Variants in SLC45A2 observed in about 807,000 individuals in gnomAD.
The protein encoded by SLC45A2 is solute carrier family 45 member 2.
Under a neutral mutation model 45.5 loss-of-function variants are expected in SLC45A2, and 36 were observed. The observed-to-expected ratio is 0.79, with a 90% confidence interval of 0.61 to 1.04. The LOEUF is 1.04. Among genes scored for constraint, SLC45A2 ranks in the 50% least tolerant of loss-of-function variants. SLC45A2 has a pLI of 0.00. For missense variants in SLC45A2, 719 were observed against 671.0 expected, an observed-to-expected ratio of 1.07 and a Z score of -0.79; for synonymous variants, 306 against 269.3, an observed-to-expected ratio of 1.14 and a Z score of -1.33.
At position 33,953,266 on chromosome 5, in the gene SLC45A2, C is replaced by T. The variant is rs1286330091; in HGVS notation, c.1032+1095G>A. Among the ~76,000 whole-genome samples the T allele has an allele frequency of 6.2e-4, 66 of 106,254 alleles. 2 individuals are homozygous for T. In the East Asian group the frequency reaches 0.015, roughly 23 times the overall value. 69.7% of individuals were successfully genotyped at this position (106,254 alleles called of 152,430 possible). On this transcript the variant is annotated intron_variant, in intron 4 of 6. Transcript: ENST00000296589. ...CTAGTTCTAGATCCCTGAGGAATCA[C>T]CACACTGACTTCCACAATGGTTGAA...
intron 6 of SLC45A2, chr5:33,946,762 C>A (rs1414571212): frequency 2.7e-6 from 3 of 1,119,888 alleles, no homozygotes; most frequent in East Asian, 1.3e-4. Context: ...ATAGGGAGAC[C>A]CTTATTGTCG....
At position 33,968,296 on chromosome 5, in the gene SLC45A2, A is replaced by G. The variant is rs568716241; in HGVS notation, c.563-4280T>C. On this transcript the variant is annotated intron_variant, in intron 2 of 6. Coordinates refer to ENST00000296589, the MANE Select transcript of SLC45A2 (RefSeq NM_016180.5). ...CGCTATGATAAAGGCTGATAGTTTT[A>G]CCATTTTACCACCTCCCACACCTAC... Among the ~76,000 whole-genome samples, 82 of 152,292 alleles carry G rather than the reference A, an allele frequency of 5.4e-4. 1 individual carries two copies. Among genetic ancestry groups the G allele is most frequent in the African/African-American group, 1.9e-3 (80 of 41,568 alleles).
chr5:33,946,008 T>C, intron 6 of SLC45A2: 1 of 985,480 alleles, frequency 1.0e-6, no homozygotes, highest in Non-Finnish European at 1.2e-6. Flanking sequence ...ATTGTGAATA[T>C]ATTATCTCAC....
chr5:33,977,701 A>C (rs1752969283), intron 2 of SLC45A2, among the ~76,000 whole-genome samples: 1 of 152,202 alleles, frequency 6.6e-6, no homozygotes, highest in African/African-American at 2.4e-5. Flanking sequence ...TAGAGGAGTG[A>C]GGGATGCAGG....
Position 33,963,828 on chromosome 5 carries a change from G to C in SLC45A2, c.751C>G (p.Pro251Ala). Residue 251 changes from proline to alanine, a missense_variant, in exon 3 of 7, where the codon CCA becomes GCA. Coordinates refer to ENST00000296589, the MANE Select transcript of SLC45A2 (RefSeq NM_016180.5). ...GGAGGGTCCTGAGGGGTTTGCTGTGGGGGAATGCCCTTTGCAACCTCTGTA... is the reference window on the plus strand; with the variant it reads ...GGAGGGTCCTGAGGGGTTTGCTGTGCGGGAATGCCCTTTGCAACCTCTGTA... Reference protein sequence around the residue: ...PLTEVAKGIPPQQTPQDPPLS... With the variant: ...PLTEVAKGIPAQQTPQDPPLS... The C allele has an allele frequency of 1.2e-6, 2 of 1,614,126 alleles. No homozygotes were observed. The highest frequency in any genetic ancestry group is 1.7e-5 in the Admixed American group (1 of 60,026).
chr5:33,944,738 G>A lies in SLC45A2; in HGVS notation c.1503C>T (p.Ala501=), dbSNP rs759542581. The A allele has an allele frequency of 8.4e-5, 136 of 1,614,056 alleles. No homozygotes were observed. The highest frequency in any genetic ancestry group is 3.4e-4 in the South Asian group (31 of 91,078). ...GGGLGFLVNT[A]GTVVVVVITA... is the part of the protein sequence containing the mutation. ...TGATCACCACGACGACAACGGTCCC[G>A]GCTGTGTTGACCAGAAAGCCCAGGC... Residue 501 remains alanine (A), a synonymous_variant, in exon 7 of 7, where the codon GCC becomes GCT. Transcript: ENST00000296589.
intron 2 of SLC45A2, among the ~76,000 whole-genome samples, chr5:33,975,165 T>A (rs1752892236): frequency 6.6e-6 from 1 of 152,172 alleles, no homozygotes; most frequent in African/African-American, 2.4e-5. Context: ...CGGGAGACAG[T>A]CGGCTGAGGT....
intron 2 of SLC45A2, among the ~76,000 whole-genome samples, chr5:33,976,109 C>G (rs1376314197): frequency 1.3e-5 from 2 of 152,178 alleles, no homozygotes; most frequent in African/African-American, 2.4e-5. Flanking sequence ...TGCCTTGAAG[C>G]CACTGTTTTG....
chr5:33,953,195 T>C (rs1431391302), intron 4 of SLC45A2, among the ~76,000 whole-genome samples: 1 of 149,060 alleles, frequency 6.7e-6, no homozygotes, highest in African/African-American at 2.5e-5. Flanking sequence ...TTTATAGTCA[T>C]TTGGGTATAT....
intron 2 of SLC45A2, among the ~76,000 whole-genome samples, chr5:33,968,882 T>C (rs1251671899): frequency 1.3e-5 from 2 of 152,176 alleles, no homozygotes; most frequent in Non-Finnish European, 2.9e-5. Context: ...GAGGACAGAC[T>C]AAAGAACTCC....
intron 3 of SLC45A2, among the ~76,000 whole-genome samples, chr5:33,956,266 A>G (rs1752273688): frequency 6.6e-6 from 1 of 152,164 alleles, no homozygotes; most frequent in Middle Eastern, 3.2e-3. Flanking sequence ...AGAGCTTTCA[A>G]TGAAAATTTT....
chr5:33,960,517 CA>C (rs1183822202), intron 3 of SLC45A2, among the ~76,000 whole-genome samples: 2 of 151,998 alleles, frequency 1.3e-5, no homozygotes, highest in African/African-American at 4.8e-5. Context: ...AATGGAAAAC[CA>C]AACATTGTAT....
chr5:33,945,559 T>A (rs1751895551), intron 6 of SLC45A2, among the ~76,000 whole-genome samples: 1 of 152,152 alleles, frequency 6.6e-6, no homozygotes, highest in South Asian at 2.1e-4. Flanking sequence ...TTTTACCTGT[T>A]ACTGTATTTC....
intron 5 of SLC45A2, among the ~76,000 whole-genome samples, chr5:33,949,729 T>G (rs1362134441): frequency 6.6e-6 from 1 of 152,142 alleles, no homozygotes; most frequent in African/African-American, 2.4e-5. Flanking sequence ...CAACTAATAA[T>G]TTCTTTTGTA....
chr5:33,955,210 C>A (rs768909025), intron 3 of SLC45A2, among the ~76,000 whole-genome samples: 1 of 152,118 alleles, frequency 6.6e-6, no homozygotes, highest in Non-Finnish European at 1.5e-5. Context: ...GGGCTGAGAG[C>A]AACTCCAGGC....
At chr5:33,967,724 C>G (rs1752639693) in intron 2 of SLC45A2, among the ~76,000 whole-genome samples, 1 of 151,586 alleles carries the variant, frequency 6.6e-6, no homozygotes, top group Non-Finnish European at 1.5e-5. Flanking sequence ...TTTTATAACC[C>G]CTTGTCTTGT....
intron 2 of SLC45A2, 21 bp from the exon 3 acceptor site, chr5:33,964,037 T>C (rs1016908106): frequency 3.7e-6 from 6 of 1,611,406 alleles, no homozygotes; most frequent in Non-Finnish European, 5.1e-6. Flanking sequence ...AGAAAAGCTA[T>C]GTTAGCATAT....
At chr5:33,977,742 A>G (rs890871950) in intron 2 of SLC45A2, among the ~76,000 whole-genome samples, 9 of 152,348 alleles carry the variant, frequency 5.9e-5, no homozygotes, top group African/African-American at 2.2e-4. Context: ...CTGCTCCTGG[A>G]AACATGATGA....
chr5:33,948,645 T>C (rs954331177), intron 5 of SLC45A2, among the ~76,000 whole-genome samples: 1 of 152,242 alleles, frequency 6.6e-6, no homozygotes, highest in Non-Finnish European at 1.5e-5. Flanking sequence ...ACTTATACCA[T>C]GACTGGAGGA....
Sources: gnomAD v4.1 joint callset for allele counts (sites outside exome capture counted in the v4.1 genomes callset) on GRCh38, gnomAD v4.1.1 for gene constraint, MANE v1.5 for transcripts, NCBI Gene and HGNC (gene_info 2026-07-23, HGNC 2026-07-21) for gene names.